Variants in ZNF423 observed in about 807,000 individuals in gnomAD.
The protein encoded by ZNF423 is zinc finger protein 423.
In ZNF423, 12 loss-of-function variants were observed where a neutral mutation model predicts 95.8. The ratio of observed to expected loss-of-function variants is 0.13; its 90% confidence interval spans 0.08 to 0.20. The LOEUF is 0.20. ZNF423 is among the 10% of genes least tolerant of loss of function. The probability of loss-of-function intolerance (pLI) is 1.00; values close to 1 mark genes in which losing one functional copy is unlikely to be tolerated. For missense variants in ZNF423, 1,316 were observed against 1,737.1 expected (o/e 0.76, Z 4.31); for synonymous variants, 749 against 711.9 (o/e 1.05, Z -0.83).
In ZNF423 at chr16:49,637,577, A is replaced by C. The variant is rs772407048; in HGVS notation, c.1599T>G (p.Gly533=). 8 of 1,613,752 alleles carry C rather than the reference A, an allele frequency of 5.0e-6. No homozygotes were observed. The highest frequency in any genetic ancestry group is 5.1e-6 in the Non-Finnish European group (6 of 1,179,980). Residue 533 remains glycine (G), a synonymous_variant, in exon 4 of 8, where the codon GGT becomes GGG. Transcript: ENST00000563137. The surrounding 1 kb of genome is among the most constrained non-coding windows in gnomAD (Gnocchi z 5.6). The part of the protein sequence containing the change: ...NAFFCNQCSM[G]FLTESSLTEH... Reference sequence around the variant, plus strand: ...CGGTGAGGGAGGACTCAGTAAGGAAACCCATGGAGCACTGGTTGCAGAAGA... The same window carrying C: ...CGGTGAGGGAGGACTCAGTAAGGAACCCCATGGAGCACTGGTTGCAGAAGA...
chr16:49,809,309 C>T lies in ZNF423; in HGVS notation c.41-19763G>A, dbSNP rs551202634. 6.8e-4 allele frequency among the ~76,000 whole-genome samples: 103 copies of T among 152,338 alleles called. 3 individuals carry two copies. The highest frequency in any genetic ancestry group is 1.4e-3 in the African/African-American group (60 of 41,572). Reference sequence around the variant, plus strand: ...CATCTGGTCCACGGCTGGCAGGGGCCGGCCCGGCCCTGGGGGCCCTTGGAA... The same window carrying T: ...CATCTGGTCCACGGCTGGCAGGGGCTGGCCCGGCCCTGGGGGCCCTTGGAA... On this transcript the variant is annotated intron_variant, in intron 1 of 7. Coordinates refer to ENST00000563137, the MANE Select transcript of ZNF423 (RefSeq NM_001379286.1).
At chr16:49,797,472 A>C (rs1047043978) in intron 1 of ZNF423, among the ~76,000 whole-genome samples, 1 of 152,224 alleles carries the variant, frequency 6.6e-6, no homozygotes, top group African/African-American at 2.4e-5. Context: ...CTCCTAGGTC[A>C]AATGACCAGG....
At chr16:49,497,938 TAG>T (rs1967228506) in intron 7 of ZNF423, among the ~76,000 whole-genome samples, 1 of 152,204 alleles carries the variant, frequency 6.6e-6, no homozygotes, top group African/African-American at 2.4e-5. Context: ...TTAAGGACTA[TAG>T]AGAGAGGACT....
At chr16:49,628,965 C>A (rs1972403911) in intron 4 of ZNF423, among the ~76,000 whole-genome samples, 2 of 152,142 alleles carry the variant, frequency 1.3e-5, no homozygotes, top group Admixed American at 6.5e-5. Context: ...ATTGGAATCA[C>A]AATATCCAAG....
intron 5 of ZNF423, among the ~76,000 whole-genome samples, chr16:49,572,696 T>C (rs534732531): frequency 1.3e-5 from 2 of 152,260 alleles, no homozygotes; most frequent in Admixed American, 1.3e-4. Context: ...GACACGCCAC[T>C]ACCATAGCTC....
At chr16:49,640,177 C>T (rs578178573) in intron 3 of ZNF423, among the ~76,000 whole-genome samples, 57 of 152,246 alleles carry the variant, frequency 3.7e-4, no homozygotes, top group South Asian at 2.9e-3. Flanking sequence ...ACAGACGTAA[C>T]CCAGACGTAA....
intron 2 of ZNF423, among the ~76,000 whole-genome samples, chr16:49,759,376 G>A (rs2033785096): frequency 6.6e-6 from 1 of 151,918 alleles, no homozygotes; most frequent in Non-Finnish European, 1.5e-5. Flanking sequence ...TCCAGCCTGG[G>A]TGACAGGGCG....
In ZNF423 at chr16:49,489,433, A is replaced by C. The variant is rs1426349292; in HGVS notation, c.*1842T>G. ...AACTGCCAGGTCTCCAGGAGGCTGA[A>C]AATTGGCATTCACAGCCTTCAGTTT... On this transcript the variant is annotated 3_prime_UTR_variant, in exon 8 of 8. Transcript: ENST00000563137. The C allele has an allele frequency of 6.6e-6, 1 of 152,254 alleles. No individual in the cohort carries two copies. Among genetic ancestry groups the C allele is most frequent in the Non-Finnish European group, 1.5e-5 (1 of 68,054 alleles). The allele number at this position is 152,254 out of a possible 1,614,324, so 9.4% of individuals were successfully genotyped here.
At chr16:49,730,652 T>C (rs1374482774) in intron 3 of ZNF423, 119 bp downstream of exon 3, 16 of 1,091,044 alleles carry the variant, frequency 1.5e-5, no homozygotes, top group Non-Finnish European at 2.0e-5. Context: ...CACAATAAAA[T>C]GACATTAACT....
intron 1 of ZNF423, among the ~76,000 whole-genome samples, chr16:49,845,677 A>G (rs1597059714): frequency 1.3e-5 from 2 of 151,614 alleles, no homozygotes; most frequent in East Asian, 3.9e-4. Flanking sequence ...AGTAGCTGGG[A>G]CTACAGGCTC....
intron 1 of ZNF423, among the ~76,000 whole-genome samples, chr16:49,850,658 G>C (rs12923943): frequency 0.21 from 31,260 of 152,080 alleles, 3,364 homozygotes; most frequent in African/African-American, 0.25. Context: ...TGAACTAAAC[G>C]CACCCACCAC....
At chr16:49,780,251 G>T (rs1023253358) in intron 2 of ZNF423, among the ~76,000 whole-genome samples, 1 of 152,222 alleles carries the variant, frequency 6.6e-6, no homozygotes, top group African/African-American at 2.4e-5. Context: ...TGTCGACGAG[G>T]AAGCCAAGTA....
intron 5 of ZNF423, among the ~76,000 whole-genome samples, chr16:49,547,665 C>T (rs746426152): frequency 7.2e-5 from 11 of 152,218 alleles, no homozygotes; most frequent in Non-Finnish European, 1.3e-4. Context: ...GGGTGGCACG[C>T]TCCTTCCAGC....
chr16:49,530,417 A>G (rs1285345993), intron 5 of ZNF423, among the ~76,000 whole-genome samples: 1 of 152,026 alleles, frequency 6.6e-6, no homozygotes, highest in Non-Finnish European at 1.5e-5. Context: ...TACAGGGTTC[A>G]TTGTTTAATT....
chr16:49,846,738 C>T (rs1277722928), intron 1 of ZNF423, among the ~76,000 whole-genome samples: 2 of 152,212 alleles, frequency 1.3e-5, no homozygotes, highest in Non-Finnish European at 2.9e-5. Context: ...CCCTCAGGAG[C>T]TGATGATTGT....
At chr16:49,633,842 G>C (rs905704497) in intron 4 of ZNF423, among the ~76,000 whole-genome samples, 2 of 152,124 alleles carry the variant, frequency 1.3e-5, no homozygotes, top group African/African-American at 4.8e-5. Flanking sequence ...ACTCCAGACA[G>C]GACTTTGAGG....
At chr16:49,801,176 C>T (rs1211908075) in intron 1 of ZNF423, among the ~76,000 whole-genome samples, 1 of 152,198 alleles carries the variant, frequency 6.6e-6, no homozygotes, top group African/African-American at 2.4e-5. Context: ...CTGAGGAGAG[C>T]GTGCCCTGCC....
At chr16:49,720,430 C>T (rs544054053) in intron 3 of ZNF423, among the ~76,000 whole-genome samples, 1 of 152,178 alleles carries the variant, frequency 6.6e-6, no homozygotes, top group Non-Finnish European at 1.5e-5. Context: ...TCCCACCCCC[C>T]ACCAGCAGTT....
chr16:49,624,616 A>G (rs1172847682), intron 5 of ZNF423, among the ~76,000 whole-genome samples: 1 of 152,216 alleles, frequency 6.6e-6, no homozygotes, highest in Non-Finnish European at 1.5e-5. Context: ...GCACTATTTC[A>G]GAATGGGCCC....
Sources: allele counts gnomAD v4.1 joint callset (sites outside exome capture counted in the v4.1 genomes callset), GRCh38; gene constraint gnomAD v4.1.1; non-coding constraint Gnocchi (gnomAD v3.1); transcripts MANE v1.5; gene names NCBI Gene and HGNC (gene_info 2026-07-23, HGNC 2026-07-21).